The following IL12RB2 variants were observed in gnomAD, a reference collection of about 807,000 sequenced individuals.
IL12RB2 encodes interleukin 12 receptor subunit beta 2, also known as interleukin-12 receptor subunit beta-2.
IL12RB2 carries 82 observed loss-of-function variants against 89.4 expected under a neutral mutation model. That is an observed-to-expected ratio of 0.92 (90% CI 0.77 to 1.10). The LOEUF (loss-of-function observed/expected upper bound fraction) is 1.10, where lower values mean the gene tolerates loss of function less well. Ranked by LOEUF, IL12RB2 falls within the 50% of genes least tolerant of loss-of-function variation. IL12RB2 has a pLI of 0.00. For synonymous variants in IL12RB2, 368 were observed against 370.1 expected (o/e 0.99, Z 0.07); for missense variants, 963 against 1,031.9 (o/e 0.93, Z 0.92).
intron 11 of IL12RB2, among the ~76,000 whole-genome samples, chr1:67,370,210 C>T (rs1025165481): frequency 1.3e-5 from 2 of 152,088 alleles, no homozygotes; most frequent in Non-Finnish European, 2.9e-5. Flanking sequence ...AGTAAGATCA[C>T]TCATTGTTAT....
At chr1:67,386,299 C>T (rs1665138095) in intron 14 of IL12RB2, among the ~76,000 whole-genome samples, 1 of 151,560 alleles carries the variant, frequency 6.6e-6, no homozygotes, top group African/African-American at 2.4e-5. Context: ...TAAGACAAGG[C>T]TCCCAATTCA....
At chr1:67,367,619 C>T (rs538017357) in intron 10 of IL12RB2, among the ~76,000 whole-genome samples, 3 of 152,130 alleles carry the variant, frequency 2.0e-5, no homozygotes, top group Non-Finnish European at 2.9e-5. Context: ...TGACATTTTA[C>T]GTAATGTTTG....
In IL12RB2 at chr1:67,397,313, G is replaced by A. The variant is rs115087267; in HGVS notation, c.*1224G>A. On this transcript the variant is annotated 3_prime_UTR_variant, in exon 17 of 17. Coordinates refer to ENST00000674203, the MANE Select transcript of IL12RB2 (RefSeq NM_001374259.2). The stretch of plus-strand genomic sequence containing the variant: ...TCCCACTCTGAATCTCGGGTGTCTT[G>A]TAAAGGGCTGGACCAAAGGCTCCCT... Among the ~76,000 whole-genome samples, 5 of 152,156 alleles carry A rather than the reference G, an allele frequency of 3.3e-5. No individual in the cohort carries two copies. Among genetic ancestry groups the A allele is most frequent in the African/African-American group, 1.2e-4 (5 of 41,524 alleles).
chr1:67,332,809 T>TAA (rs1458430656), intron 8 of IL12RB2, among the ~76,000 whole-genome samples: 1 of 152,234 alleles, frequency 6.6e-6, no homozygotes, highest in South Asian at 2.1e-4. Flanking sequence ...AGCTAAACTA[T>TAA]AAACTAGGGA....
chr1:67,330,991 A>G (rs1658007928), intron 8 of IL12RB2, among the ~76,000 whole-genome samples, 181 bp downstream of exon 8: 1 of 152,196 alleles, frequency 6.6e-6, no homozygotes, highest in Admixed American at 6.5e-5. Flanking sequence ...TCAAGGAAAT[A>G]TGTTTGTGTT....
At chr1:67,333,123 T>G (rs1039857223) in intron 8 of IL12RB2, among the ~76,000 whole-genome samples, 1 of 152,204 alleles carries the variant, frequency 6.6e-6, no homozygotes, top group Non-Finnish European at 1.5e-5. Flanking sequence ...ATACACCACC[T>G]TTACCAAGCT....
chr1:67,393,323 G>A (rs1403439692), intron 16 of IL12RB2, among the ~76,000 whole-genome samples: 2 of 152,206 alleles, frequency 1.3e-5, no homozygotes, highest in Non-Finnish European at 2.9e-5. Flanking sequence ...GTGTCCATGA[G>A]GTTCCTGAAC....
Position 67,350,918 on chromosome 1 carries a change from A to T in IL12RB2, c.1087A>T (p.Thr363Ser). Reference protein sequence around the residue: ...ARGKILHYQVTLQELTGGKAM... With the variant: ...ARGKILHYQVSLQELTGGKAM... The stretch of plus-strand genomic sequence containing the variant: ...AGGAAAAATTCTCCACTATCAGGTG[A>T]CCTTGCAGGAGCTGACAGGAGGGAA... Residue 363 changes from threonine to serine, a missense_variant, in exon 10 of 17, where the codon ACC becomes TCC. Physicochemically the swap from Thr to Ser is moderately conservative, Grantham distance 58 (BLOSUM62 1). Coordinates refer to ENST00000674203, the MANE Select transcript of IL12RB2 (RefSeq NM_001374259.2). The T allele has an allele frequency of 6.2e-7, 1 of 1,614,116 alleles. No homozygotes were observed. Among genetic ancestry groups the T allele is most frequent in the Non-Finnish European group, 8.5e-7 (1 of 1,180,000 alleles).
intron 9 of IL12RB2, among the ~76,000 whole-genome samples, chr1:67,344,400 C>T (rs1382545915): frequency 1.3e-5 from 2 of 152,142 alleles, no homozygotes; most frequent in Non-Finnish European, 2.9e-5. Flanking sequence ...TCAAGTGATT[C>T]TCATGCCTCA....
chr1:67,330,637 T>G (rs746646175), intron 7 of IL12RB2, 23 bp from the exon 8 acceptor site: 1 of 1,301,574 alleles, frequency 7.7e-7, no homozygotes, highest in South Asian at 1.2e-5. Flanking sequence ...TAATAGGCAC[T>G]TTAAAAAAAT....
chr1:67,394,361 A>T (rs887540053), intron 16 of IL12RB2, among the ~76,000 whole-genome samples: 12 of 152,104 alleles, frequency 7.9e-5, no homozygotes, highest in South Asian at 2.1e-4. Flanking sequence ...CCAGTTTTTT[A>T]AAAATGTTAA....
Position 67,326,866 on chromosome 1 carries a change from AT to A in IL12RB2, c.479+22del, listed in dbSNP as rs771349617. 2 of 1,408,444 alleles carry A rather than the reference AT, an allele frequency of 1.4e-6. No individual in the cohort carries two copies. Among genetic ancestry groups the A allele is most frequent in the Non-Finnish European group, 1.9e-6 (2 of 1,066,258 alleles). The allele number at this position is 1,408,444 out of a possible 1,614,324, so 87.2% of individuals were successfully genotyped here. On this transcript the variant is annotated intron_variant, in intron 5 of 16. Coordinates refer to ENST00000674203, the MANE Select transcript of IL12RB2 (RefSeq NM_001374259.2). ...TACTCTACAGTGAGTGAGAGGCTGTATTTTTGCAGCTGTTTTGTAGATCTTC... is the reference window on the plus strand; with the variant it reads ...TACTCTACAGTGAGTGAGAGGCTGTATTTTGCAGCTGTTTTGTAGATCTTC...
At chr1:67,369,451 T>C (rs1557455717) in intron 11 of IL12RB2, among the ~76,000 whole-genome samples, 1 of 152,260 alleles carries the variant, frequency 6.6e-6, no homozygotes, top group Non-Finnish European at 1.5e-5. Flanking sequence ...CTGCCTTTGA[T>C]GTTCTCTAAT....
chr1:67,330,575 G>GGTTT (rs1553311372), intron 7 of IL12RB2, 85 bp from the exon 8 acceptor site: 9 of 620,086 alleles, frequency 1.5e-5, no homozygotes, highest in Admixed American at 7.5e-5. Context: ...AATAGCCTGG[G>GGTTT]TTTTTTTTTT....
chr1:67,388,981 C>G (rs934091221), intron 15 of IL12RB2, among the ~76,000 whole-genome samples: 1 of 152,000 alleles, frequency 6.6e-6, no homozygotes, highest in African/African-American at 2.4e-5. Flanking sequence ...AAGGAGTCAA[C>G]TAGGATCACA....
At chr1:67,382,589 C>T (rs546540371) in intron 14 of IL12RB2, among the ~76,000 whole-genome samples, 48 of 152,180 alleles carry the variant, frequency 3.2e-4, no homozygotes, top group African/African-American at 1.1e-3. Flanking sequence ...TTTCTGCAGT[C>T]GCCTGAAAGT....
intron 10 of IL12RB2, among the ~76,000 whole-genome samples, chr1:67,366,662 A>G (rs1190163658): frequency 6.6e-6 from 1 of 152,232 alleles, no homozygotes; most frequent in Admixed American, 6.5e-5. Flanking sequence ...GTAAAATAAT[A>G]TGTGAATTTG....
At chr1:67,311,921 A>T (rs1318908326) in intron 1 of IL12RB2, among the ~76,000 whole-genome samples, 1 of 152,200 alleles carries the variant, frequency 6.6e-6, no homozygotes, top group African/African-American at 2.4e-5. Context: ...GGTTGCTTAC[A>T]AGGTGAAGCA....
chr1:67,328,696 T>C (rs1657659340), intron 6 of IL12RB2, among the ~76,000 whole-genome samples: 1 of 152,170 alleles, frequency 6.6e-6, no homozygotes, highest in Non-Finnish European at 1.5e-5. Context: ...GTGAGGTCAT[T>C]CAAGATGCTC....
Sources: gnomAD v4.1 joint callset for allele counts (sites outside exome capture counted in the v4.1 genomes callset) on GRCh38, gnomAD v4.1.1 for gene constraint, MANE v1.5 for transcripts, NCBI Gene and HGNC (gene_info 2026-07-23, HGNC 2026-07-21) for gene names.